The following GPHN variants were observed in gnomAD, a reference collection of about 807,000 sequenced individuals.
GPHN encodes the protein gephyrin.
GPHN carries 17 observed loss-of-function variants against 95.5 expected under a neutral mutation model. The observed-to-expected ratio is 0.18, with a 90% CI of 0.12 to 0.27. The LOEUF is 0.27. Ranked by LOEUF, GPHN falls within the 10% of genes least tolerant of loss-of-function variation. GPHN has a pLI of 1.00. For synonymous variants in GPHN, 320 were observed against 322.5 expected (o/e 0.99, Z 0.08); for missense variants, 660 against 978.1 (o/e 0.67, Z 4.34).
At chr14:67,297,936 A>G in the GPHN span, among the ~76,000 whole-genome samples, 4 of 152,216 alleles carry the variant, frequency 2.6e-5, no homozygotes. Context: ...AGTACATATT[A>G]TCTAGGCAAA....
At position 67,112,064 on chromosome 14, in the gene GPHN, T is replaced by C. The variant is rs2078407621; in HGVS notation, c.1472+145T>C. 1.1e-5 allele frequency: 8 copies of C among 716,402 alleles called. No homozygotes were observed. In the Admixed American group the frequency reaches 1.5e-4, roughly 13 times the overall value. The allele number at this position is 716,402 out of a possible 1,614,324, so 44.4% of individuals were successfully genotyped here. ...TTAACAAAAAGCAAAATGAATGTTA[T>C]GAATTCTGTATCACATATCTGCCCT... On this transcript the variant is annotated intron_variant, in intron 15 of 22. Transcript: ENST00000478722.
At chr14:66,672,308 A>G (rs2066342358) in intron 1 of GPHN, among the ~76,000 whole-genome samples, 1 of 152,072 alleles carries the variant, frequency 6.6e-6, no homozygotes, top group Non-Finnish European at 1.5e-5. Flanking sequence ...CCAACACTAT[A>G]ATTTTGTGGT....
the GPHN span, among the ~76,000 whole-genome samples, chr14:67,496,391 GT>G: frequency 5.2e-3 from 155 of 30,046 alleles, 1 homozygote; most frequent in African/African-American, 0.015. Flanking sequence ...CTGCTCCGGC[GT>G]TTTTTTTTTT....
chr14:66,638,215 C>G (rs961100891), intron 1 of GPHN, among the ~76,000 whole-genome samples: 1 of 152,106 alleles, frequency 6.6e-6, no homozygotes, highest in African/African-American at 2.4e-5. Context: ...GGGTGAATCA[C>G]TTGAGATCGG....
At chr14:67,492,470 T>C in the GPHN span, among the ~76,000 whole-genome samples, 1 of 152,210 alleles carries the variant, frequency 6.6e-6, no homozygotes, top group East Asian at 1.9e-4. Flanking sequence ...CCTCACAGCC[T>C]CACTGGCAAA....
chr14:66,957,926 T>G (rs1567150509), intron 8 of GPHN, among the ~76,000 whole-genome samples: 2 of 152,158 alleles, frequency 1.3e-5, no homozygotes, highest in South Asian at 2.1e-4. Flanking sequence ...TTATGAGAAT[T>G]TAACTAATCC....
At chr14:66,842,253 C>T (rs1449028441) in intron 4 of GPHN, among the ~76,000 whole-genome samples, 6 of 151,884 alleles carry the variant, frequency 4.0e-5, no homozygotes, top group Non-Finnish European at 5.9e-5. Context: ...ATATTACTGC[C>T]CCTGATTCTT....
intron 8 of GPHN, among the ~76,000 whole-genome samples, chr14:66,957,020 C>T (rs1358081939): frequency 6.7e-6 from 1 of 148,274 alleles, no homozygotes; most frequent in Non-Finnish European, 1.5e-5. Flanking sequence ...TGCTAGATGA[C>T]GAGATAGAGG....
the GPHN span, among the ~76,000 whole-genome samples, chr14:67,396,723 CTGAAA>C: frequency 6.6e-6 from 1 of 152,378 alleles, no homozygotes; most frequent in South Asian, 2.1e-4. Flanking sequence ...CTGACCCAGC[CTGAAA>C]TATCTTTTTC....
chr14:67,358,989 CAT>C, the GPHN span, among the ~76,000 whole-genome samples: 1 of 152,188 alleles, frequency 6.6e-6, no homozygotes, highest in Non-Finnish European at 1.5e-5. Context: ...GAGAAAGACA[CAT>C]AAACAAATAT....
In GPHN at chr14:67,047,517, C is replaced by A. The variant is rs184121324; in HGVS notation, c.1007-11132C>A. Among the ~76,000 whole-genome samples the A allele has an allele frequency of 5.6e-4, 85 of 152,040 alleles. 3 individuals carry two copies. Among genetic ancestry groups the A allele is most frequent in the African/African-American group, 2.0e-3 (83 of 41,494 alleles). ...AGTAGCTGGGACTACAGGCTCCTGA[C>A]ACCATGCATGACTAATTTTTTGTAT... On this transcript the variant is annotated intron_variant, in intron 10 of 22. Transcript: ENST00000478722.
chr14:67,555,693 C>T, the GPHN span: 1,225,476 of 1,317,832 alleles, frequency 0.93, 571,035 homozygotes, highest in Non-Finnish European at 0.95. Context: ...CTGACACTCT[C>T]GAGCCACTTG....
At chr14:67,690,187 C>T in the GPHN span, 79 of 1,600,742 alleles carry the variant, frequency 4.9e-5, 1 homozygote, top group East Asian at 1.5e-3. Flanking sequence ...ACTCATGTCT[C>T]CACATTCATT....
At chr14:67,600,272 C>T in the GPHN span, 3 of 1,314,710 alleles carry the variant, frequency 2.3e-6, no homozygotes, top group African/African-American at 1.6e-5. Context: ...CCGTCTCGCC[C>T]GCTCCAGACC....
At chr14:66,989,866 A>G (rs1213317916) in intron 9 of GPHN, among the ~76,000 whole-genome samples, 2 of 152,166 alleles carry the variant, frequency 1.3e-5, no homozygotes, top group Admixed American at 1.3e-4. Flanking sequence ...AGACTATATT[A>G]GACAGGTTTT....
intron 17 of GPHN, among the ~76,000 whole-genome samples, chr14:67,134,810 T>G (rs1369156048): frequency 6.6e-6 from 1 of 151,954 alleles, no homozygotes; most frequent in Non-Finnish European, 1.5e-5. Flanking sequence ...TTTGCCCTAC[T>G]TGTTATTTTC....
chr14:66,534,844 G>T (rs1185262160), intron 1 of GPHN, among the ~76,000 whole-genome samples: 2 of 152,106 alleles, frequency 1.3e-5, no homozygotes, highest in East Asian at 3.9e-4. Context: ...TTCTGTCTTT[G>T]TCTTATGGAT....
intron 1 of GPHN, among the ~76,000 whole-genome samples, chr14:66,561,466 A>G (rs2140280006): frequency 1.3e-5 from 2 of 152,016 alleles, no homozygotes; most frequent in South Asian, 4.2e-4. Flanking sequence ...GGTTTCTTGA[A>G]TCTGAGGTAG....
intron 2 of GPHN, among the ~76,000 whole-genome samples, chr14:66,770,686 C>T (rs1305557344): frequency 6.6e-6 from 1 of 152,060 alleles, no homozygotes; most frequent in Non-Finnish European, 1.5e-5. Flanking sequence ...AATATTAATA[C>T]CGTAGTAGTC....
Sources: gnomAD v4.1 joint callset for allele counts (sites outside exome capture counted in the v4.1 genomes callset) on GRCh38, gnomAD v4.1.1 for gene constraint, MANE v1.5 for transcripts, NCBI Gene and HGNC (gene_info 2026-07-23, HGNC 2026-07-21) for gene names.